PPFIA2: variants seen among roughly 807,000 people sequenced by gnomAD.
PPFIA2 encodes the protein liprin-alpha-2.
Under a neutral mutation model 175.5 loss-of-function variants are expected in PPFIA2, and 46 were observed. The ratio of observed to expected loss-of-function variants is 0.26; its 90% CI spans 0.21 to 0.34. The LOEUF is 0.34. PPFIA2 is among the 10% of genes least tolerant of loss of function. PPFIA2 has a pLI of 1.00. For synonymous variants in PPFIA2, 568 were observed against 511.4 expected, an observed-to-expected ratio of 1.11 and a Z score of -1.49; for missense variants, 1,179 against 1,506.1, an observed-to-expected ratio of 0.78 and a Z score of 3.60.
intron 4 of PPFIA2, among the ~76,000 whole-genome samples, chr12:81,617,445 C>T (rs1595663906): frequency 6.6e-6 from 1 of 152,130 alleles, no homozygotes; most frequent in East Asian, 1.9e-4. Context: ...ATTGTGCCTG[C>T]CCCTTCAACT....
chr12:81,652,929 A>G (rs893984009), intron 4 of PPFIA2, among the ~76,000 whole-genome samples: 8 of 152,192 alleles, frequency 5.3e-5, no homozygotes, highest in African/African-American at 1.9e-4. Flanking sequence ...GCATCTATCC[A>G]GTAGTTCCCC....
intron 4 of PPFIA2, among the ~76,000 whole-genome samples, chr12:81,507,274 A>ACTGC (rs1417014134): frequency 1.3e-5 from 2 of 152,162 alleles, no homozygotes; most frequent in African/African-American, 4.8e-5. Context: ...CTAAATGGAA[A>ACTGC]CTGCATATTT....
intron 3 of PPFIA2, among the ~76,000 whole-genome samples, chr12:81,711,057 T>A (rs1384283349): frequency 1.3e-5 from 2 of 150,772 alleles, no homozygotes; most frequent in East Asian, 4.1e-4. Flanking sequence ...TAGAGAGACC[T>A]CTTCACCATT....
intron 4 of PPFIA2, chr12:81,505,727 T>A (rs1167732099): frequency 6.6e-6 from 1 of 152,234 alleles, no homozygotes; most frequent in Non-Finnish European, 1.5e-5. Flanking sequence ...GAGCCACATG[T>A]ACCAGCTTCT....
chr12:81,632,047 C>T (rs1389217449), intron 4 of PPFIA2, among the ~76,000 whole-genome samples: 1 of 151,904 alleles, frequency 6.6e-6, no homozygotes, highest in Non-Finnish European at 1.5e-5. Context: ...TTTTATAAAC[C>T]ATTAACATAT....
intron 23 of PPFIA2, among the ~76,000 whole-genome samples, chr12:81,297,139 T>A (rs1207595722): frequency 6.6e-6 from 1 of 152,148 alleles, no homozygotes; most frequent in Non-Finnish European, 1.5e-5. Flanking sequence ...ATCATGACCC[T>A]GACCATATGA....
At chr12:81,415,519 A>G (rs989544303) in intron 7 of PPFIA2, among the ~76,000 whole-genome samples, 2 of 149,934 alleles carry the variant, frequency 1.3e-5, no homozygotes, top group Non-Finnish European at 3.0e-5. Flanking sequence ...TTTTACATCT[A>G]AACTAGTCTT....
rs755327521 is a variant in PPFIA2, at chr12:81,263,352, T to G, written c.3594A>C (p.Arg1198Ser). The G allele has an allele frequency of 3.7e-6, 6 of 1,613,280 alleles. No individual in the cohort carries two copies. Among genetic ancestry groups the G allele is most frequent in the Non-Finnish European group, 5.1e-6 (6 of 1,179,282 alleles). Residue 1198 changes from arginine to serine, a missense_variant, in exon 31 of 33, where the codon AGA becomes AGC. Physicochemically the swap from Arg to Ser is moderately radical, Grantham distance 110. Coordinates refer to ENST00000549396, the MANE Select transcript of PPFIA2 (RefSeq NM_003625.5). The stretch of plus-strand genomic sequence containing the variant: ...GTACTTCACGAGGAGGAAACTGCCT[T>G]CTCCAGGTTGATCCACGTCTGAAGT... ...DKNFRRGSTW[R>S]RQFPPREVHG...
chr12:81,397,069 T>A (rs2041263834), intron 8 of PPFIA2, among the ~76,000 whole-genome samples: 1 of 152,066 alleles, frequency 6.6e-6, no homozygotes, highest in South Asian at 2.1e-4. Context: ...CTTTTGATAT[T>A]TTAAATGTGC....
At chr12:81,439,533 C>T (rs915853142) in intron 7 of PPFIA2, among the ~76,000 whole-genome samples, 7 of 151,992 alleles carry the variant, frequency 4.6e-5, no homozygotes, top group African/African-American at 7.2e-5. Context: ...GATTCAGTGA[C>T]GTCACTAAAT....
At chr12:81,669,180 T>C (rs368245767) in intron 4 of PPFIA2, among the ~76,000 whole-genome samples, 3 of 152,054 alleles carry the variant, frequency 2.0e-5, no homozygotes, top group African/African-American at 4.8e-5. Flanking sequence ...TTCCCTACCA[T>C]AAAATTCTAT....
intron 6 of PPFIA2, among the ~76,000 whole-genome samples, chr12:81,441,563 A>G (rs1227452272): frequency 6.6e-6 from 1 of 152,122 alleles, no homozygotes; most frequent in Non-Finnish European, 1.5e-5. Context: ...ATTAATGCTG[A>G]TTAATAACCA....
At chr12:81,487,648 G>T (rs1391879284) in intron 4 of PPFIA2, among the ~76,000 whole-genome samples, 2 of 151,686 alleles carry the variant, frequency 1.3e-5, no homozygotes, top group Non-Finnish European at 2.9e-5. Context: ...CAGCTTCCAT[G>T]GCTGATATCT....
At chr12:81,689,975 T>C (rs2075028126) in intron 3 of PPFIA2, among the ~76,000 whole-genome samples, 1 of 152,116 alleles carries the variant, frequency 6.6e-6, no homozygotes. Context: ...CACAGTACAG[T>C]GTTAACTGTC....
intron 4 of PPFIA2, among the ~76,000 whole-genome samples, chr12:81,486,007 T>G (rs569444798): frequency 1.3e-5 from 2 of 152,078 alleles, no homozygotes; most frequent in East Asian, 3.9e-4. Context: ...ACTTTACTTT[T>G]CATTTAGCTC....
intron 3 of PPFIA2, among the ~76,000 whole-genome samples, chr12:81,704,549 T>C (rs1033099116): frequency 6.6e-6 from 1 of 152,030 alleles, no homozygotes; most frequent in African/African-American, 2.4e-5. Context: ...GGGAGTGACC[T>C]CAAACACCCA....
chr12:81,676,114 C>A (rs1729888958), intron 4 of PPFIA2, among the ~76,000 whole-genome samples: 1 of 152,010 alleles, frequency 6.6e-6, no homozygotes, highest in South Asian at 2.1e-4. Flanking sequence ...AAACAAAAAG[C>A]AAGTAATGAC....
chr12:81,464,505 G>C (rs1296220859), intron 4 of PPFIA2, among the ~76,000 whole-genome samples: 2 of 152,144 alleles, frequency 1.3e-5, no homozygotes, highest in African/African-American at 4.8e-5. Flanking sequence ...GGATGAGCTT[G>C]AGTAATTCAA....
intron 4 of PPFIA2, among the ~76,000 whole-genome samples, chr12:81,615,506 G>A (rs181113333): frequency 6.6e-6 from 1 of 152,274 alleles, no homozygotes; most frequent in East Asian, 1.9e-4. Context: ...TGGGAGACCA[G>A]CAAAGAAAAA....
Sources: allele counts gnomAD v4.1 joint callset (sites outside exome capture counted in the v4.1 genomes callset), GRCh38; gene constraint gnomAD v4.1.1; transcripts MANE v1.5; gene names NCBI Gene and HGNC (gene_info 2026-07-23, HGNC 2026-07-21).